PALS2: variants seen among roughly 807,000 people sequenced by gnomAD.
PALS2 encodes the protein protein associated with LIN7 2, MAGUK p55 family member, also known as protein PALS2.
PALS2 carries 27 observed loss-of-function variants against 61.6 expected under a neutral mutation model. The ratio of observed to expected loss-of-function variants is 0.44; its 90% CI spans 0.32 to 0.60. The LOEUF (loss-of-function observed/expected upper bound fraction) is 0.60, where lower values mean the gene tolerates loss of function less well. Among genes scored for constraint, PALS2 ranks in the 20% least tolerant of loss-of-function variants. The probability of loss-of-function intolerance (pLI) is 0.05; values close to 1 mark genes in which losing one functional copy is unlikely to be tolerated. For synonymous variants in PALS2, 236 were observed against 218.6 expected (o/e 1.08, Z -0.70); for missense variants, 554 against 639.4 (o/e 0.87, Z 1.44).
At chr7:24,620,794 GA>G (rs1784470755) in intron 1 of PALS2, among the ~76,000 whole-genome samples, 1 of 152,118 alleles carries the variant, frequency 6.6e-6, no homozygotes, top group East Asian at 1.9e-4. Flanking sequence ...CATATACATT[GA>G]AATAGGATTT....
chr7:24,579,697 G>A (rs1167214892), intron 1 of PALS2, among the ~76,000 whole-genome samples: 15 of 151,924 alleles, frequency 9.9e-5, no homozygotes, highest in Non-Finnish European at 1.8e-4. Flanking sequence ...TTTAATTGAA[G>A]GAGCTTAGCT....
chr7:24,690,699 A>G lies in PALS2; in HGVS notation c.*3085A>G, dbSNP rs949746961. The stretch of plus-strand genomic sequence containing the variant: ...CATTACAGCCATGCCTTTATTATGC[A>G]GTCTCCATTTCTGTGTGATATTTGG... On this transcript the variant is annotated 3_prime_UTR_variant, in exon 12 of 12. Coordinates refer to ENST00000222644, the MANE Select transcript of PALS2 (RefSeq NM_001303037.2). 6.6e-6 allele frequency: 1 copy of G among 152,340 alleles called. No individual in the cohort carries two copies. The highest frequency in any genetic ancestry group is 6.5e-5 in the Admixed American group (1 of 15,308). The allele number at this position is 152,340 out of a possible 1,614,324, so 9.4% of individuals were successfully genotyped here. A position where few individuals can be genotyped will look rare whatever the true frequency, so the allele number is the denominator to read the frequency against.
chr7:24,675,604 A>G (rs2128028058), intron 9 of PALS2, among the ~76,000 whole-genome samples: 1 of 132,412 alleles, frequency 7.6e-6, no homozygotes, highest in Middle Eastern at 4.5e-3. Flanking sequence ...ATGTGTTCTC[A>G]TTGTTCAGTT....
At chr7:24,660,829 A>AC (rs1401043359) in intron 5 of PALS2, among the ~76,000 whole-genome samples, 1 of 152,212 alleles carries the variant, frequency 6.6e-6, no homozygotes, top group Admixed American at 6.5e-5. Flanking sequence ...CCATTCTTCC[A>AC]CAAGCCTATT....
intron 5 of PALS2, among the ~76,000 whole-genome samples, chr7:24,655,687 A>T (rs1206727909): frequency 1.6e-5 from 2 of 122,132 alleles, no homozygotes; most frequent in Non-Finnish European, 3.2e-5. Context: ...CCCAGGTTGG[A>T]GTGCAGTGGC....
At chr7:24,591,344 A>G (rs528367094) in intron 1 of PALS2, among the ~76,000 whole-genome samples, 6 of 152,282 alleles carry the variant, frequency 3.9e-5, no homozygotes, top group African/African-American at 1.2e-4. Context: ...ACCATTATGC[A>G]GTTGAGCAAG....
intron 9 of PALS2, among the ~76,000 whole-genome samples, chr7:24,678,059 C>T (rs1381745526): frequency 2.0e-5 from 3 of 152,120 alleles, no homozygotes; most frequent in Non-Finnish European, 4.4e-5. Flanking sequence ...AACTACTTAG[C>T]TAATAGAAAC....
intron 5 of PALS2, among the ~76,000 whole-genome samples, chr7:24,654,283 A>G (rs1367991865): frequency 5.3e-5 from 8 of 152,036 alleles, no homozygotes; most frequent in South Asian, 4.1e-4. Flanking sequence ...TGAAGGATCC[A>G]TAAGTACAGT....
chr7:24,679,391 A>T, intron 10 of PALS2, 58 bp downstream of exon 10: 1 of 1,569,486 alleles, frequency 6.4e-7, no homozygotes, highest in East Asian at 2.2e-5. Flanking sequence ...AGTTTTTTTC[A>T]TGTGTGTCGG....
At chr7:24,656,496 A>G (rs1474291055) in intron 5 of PALS2, among the ~76,000 whole-genome samples, 1 of 151,912 alleles carries the variant, frequency 6.6e-6, no homozygotes, top group African/African-American at 2.4e-5. Context: ...GATGATGAAC[A>G]CTCCCAGAAA....
intron 1 of PALS2, among the ~76,000 whole-genome samples, chr7:24,580,572 A>G (rs1216187253): frequency 2.0e-5 from 3 of 152,060 alleles, no homozygotes; most frequent in African/African-American, 7.2e-5. Flanking sequence ...TTTTCTACTA[A>G]TGAATATTCA....
intron 1 of PALS2, among the ~76,000 whole-genome samples, chr7:24,591,937 T>C (rs1276706572): frequency 6.6e-6 from 1 of 152,050 alleles, no homozygotes; most frequent in Non-Finnish European, 1.5e-5. Flanking sequence ...ACTTCAGTGC[T>C]ATGATTGGGG....
At chr7:24,685,484 T>G (rs1231806252) in intron 11 of PALS2, among the ~76,000 whole-genome samples, 1 of 152,146 alleles carries the variant, frequency 6.6e-6, no homozygotes. Context: ...CAAGTGTGCC[T>G]GTGTCTCCTC....
chr7:24,634,727 C>T (rs551264100), intron 2 of PALS2, among the ~76,000 whole-genome samples: 39 of 152,172 alleles, frequency 2.6e-4, no homozygotes, highest in African/African-American at 9.2e-4. Flanking sequence ...TTTTTGTATA[C>T]GATATTACGT....
At chr7:24,684,140 G>A (rs377236636) in intron 11 of PALS2, among the ~76,000 whole-genome samples, 2 of 150,444 alleles carry the variant, frequency 1.3e-5, no homozygotes, top group Admixed American at 6.6e-5. Context: ...TTTTTCTGTC[G>A]CCAGGCTGGA....
rs543058476 is a variant in PALS2 at position 24,640,549 on chromosome 7, TTTTG to T, written c.118-1163_118-1160del. ...ATATAAGATTTGCTATCTTACATGGTTTTGTTTATGAATTAAATTTTGATAATTA... is the reference window on the plus strand; with the variant it reads ...ATATAAGATTTGCTATCTTACATGGTTTTATGAATTAAATTTTGATAATTA... On this transcript the variant is annotated intron_variant, in intron 2 of 11. Transcript: ENST00000222644. 1.3e-4 allele frequency among the ~76,000 whole-genome samples: 20 copies of T among 152,300 alleles called. 1 individual carries two copies. The South Asian group carries it at 3.1e-3, about 24-fold the overall frequency.
At chr7:24,671,539 C>G (rs1787296599) in intron 9 of PALS2, among the ~76,000 whole-genome samples, 1 of 152,062 alleles carries the variant, frequency 6.6e-6, no homozygotes, top group Non-Finnish European at 1.5e-5. Context: ...TTGATGAAGT[C>G]CAAATTTATA....
intron 5 of PALS2, among the ~76,000 whole-genome samples, chr7:24,660,406 A>G (rs1020458804): frequency 6.6e-6 from 1 of 152,148 alleles, no homozygotes; most frequent in Non-Finnish European, 1.5e-5. Context: ...TAAAAATTAC[A>G]TATCCTTTTT....
intron 11 of PALS2, among the ~76,000 whole-genome samples, chr7:24,681,901 A>G (rs968412578): frequency 2.0e-5 from 3 of 152,042 alleles, no homozygotes; most frequent in African/African-American, 4.8e-5. Context: ...CCATGTCTCT[A>G]CTTTCTGAAC....
Sources: gnomAD v4.1 joint callset for allele counts (sites outside exome capture counted in the v4.1 genomes callset) on GRCh38, gnomAD v4.1.1 for gene constraint, MANE v1.5 for transcripts, NCBI Gene and HGNC (gene_info 2026-07-23, HGNC 2026-07-21) for gene names.